The following LYRM9 variants were observed in gnomAD, a reference collection of about 807,000 sequenced individuals.
LYRM9 encodes the protein LYR motif-containing protein 9.
Under a neutral mutation model 12.6 loss-of-function variants are expected in LYRM9, and 14 were observed. The observed-to-expected ratio is 1.11, with a 90% CI of 0.73 to 1.73. LYRM9 has a LOEUF of 1.73. Among genes scored for constraint, LYRM9 ranks in the 40% most tolerant of loss-of-function variants. The pLI is 0.00. For synonymous variants in LYRM9, 42 were observed against 35.1 expected (o/e 1.20, Z -0.69); for missense variants, 94 against 95.0 (o/e 0.99, Z 0.04).
At chr17:27,885,710 A>AAG (rs1181229337) in intron 1 of LYRM9, among the ~76,000 whole-genome samples, 1 of 151,092 alleles carries the variant, frequency 6.6e-6, no homozygotes, top group African/African-American at 2.4e-5. Flanking sequence ...TCAAAAAAAA[A>AAG]AAAAAAAAAA....
Position 27,882,584 on chromosome 17 carries a change from C to T in LYRM9, c.111G>A (p.Lys37=), listed in dbSNP as rs181695478. The T allele has an allele frequency of 6.9e-6, 11 of 1,594,214 alleles. No homozygotes were observed. The highest frequency in any genetic ancestry group is 9.4e-6 in the Non-Finnish European group (11 of 1,171,530). The part of the protein sequence containing the change: ...LPTKGIQQHY[K]HAVRQSFRVH... ...CAGCTCGCACCTGCCTGACAGCATG[C>T]TTGTAATGCTGCTGGATGCCCTTGG... The change falls in exon 2 of 4, where the codon AAG becomes AAA. Residue 37 remains lysine, a synonymous_variant. Transcript: ENST00000379102.
chr17:27,879,688 A>C, intron 3 of LYRM9, 198 bp from the exon 4 acceptor site: 1 of 578,540 alleles, frequency 1.7e-6, no homozygotes, highest in Non-Finnish European at 3.0e-6. Context: ...TTTAGTGAAA[A>C]AGGAAGCTGA....
intron 3 of LYRM9, 108 bp from the exon 4 acceptor site, chr17:27,879,598 G>T: frequency 3.1e-6 from 4 of 1,270,404 alleles, no homozygotes; most frequent in Non-Finnish European, 4.3e-6. Flanking sequence ...CTCCTGCAGG[G>T]GCTTCTTGGA....
chr17:27,885,426 T>C (rs1286931319), intron 1 of LYRM9, among the ~76,000 whole-genome samples: 1 of 151,972 alleles, frequency 6.6e-6, no homozygotes, highest in Non-Finnish European at 1.5e-5. Context: ...AATAACGTAT[T>C]TGGGCCAGGG....
chr17:27,887,496 C>A (rs2142593534), intron 1 of LYRM9, among the ~76,000 whole-genome samples: 1 of 152,342 alleles, frequency 6.6e-6, no homozygotes, highest in East Asian at 1.9e-4. Flanking sequence ...CCATGGCCTG[C>A]AAGGCCCCTC....
In LYRM9 at chr17:27,878,829, G is replaced by A. The variant is rs1156504439; in HGVS notation, c.*644C>T. On this transcript the variant is annotated 3_prime_UTR_variant, in exon 4 of 4. Transcript: ENST00000379102. ...GCAGCTCCTTGGCAGACTGCTGGGTGTGTGACAACTGTGAGGGCTCAGGGG... is the reference window on the plus strand; with the variant it reads ...GCAGCTCCTTGGCAGACTGCTGGGTATGTGACAACTGTGAGGGCTCAGGGG... 1 of 152,546 alleles carries A rather than the reference G, an allele frequency of 6.6e-6. No individual in the cohort carries two copies. Among genetic ancestry groups the A allele is most frequent in the African/African-American group, 2.4e-5 (1 of 41,428 alleles). 9.4% of individuals were successfully genotyped at this position (152,546 alleles called of 1,614,324 possible). A position where few individuals can be genotyped will look rare whatever the true frequency, so the allele number is the denominator to read the frequency against.
chr17:27,883,858 A>T (rs1905149151), intron 1 of LYRM9, among the ~76,000 whole-genome samples: 1 of 146,092 alleles, frequency 6.8e-6, no homozygotes, highest in Admixed American at 6.7e-5. Context: ...AAAAAAAAAA[A>T]AAAAAAAAAA....
intron 1 of LYRM9, among the ~76,000 whole-genome samples, chr17:27,891,540 C>A (rs1470944692): frequency 6.6e-6 from 1 of 152,200 alleles, no homozygotes; most frequent in Admixed American, 6.5e-5. Flanking sequence ...CTTTCCCCTA[C>A]CTTGACTTCT....
intron 1 of LYRM9, among the ~76,000 whole-genome samples, chr17:27,885,846 T>C (rs1274319925): frequency 6.6e-6 from 1 of 152,088 alleles, no homozygotes; most frequent in Non-Finnish European, 1.5e-5. Context: ...TTGTCACTTG[T>C]ATCTCAAAGG....
At position 27,879,189 on chromosome 17, in the gene LYRM9, A is replaced by G; in HGVS notation, c.*284T>C. On this transcript the variant is annotated 3_prime_UTR_variant, in exon 4 of 4. Coordinates refer to ENST00000379102, the MANE Select transcript of LYRM9 (RefSeq NM_001076680.3). ...GAATAAATGAATCACTTTCAGAGAAAAGTAAAAGAACAAAAACACAAAAAT... is the reference window on the plus strand; with the variant it reads ...GAATAAATGAATCACTTTCAGAGAAGAGTAAAAGAACAAAAACACAAAAAT... 5.4e-6 allele frequency: 2 copies of G among 369,384 alleles called. 1 individual carries two copies. Among genetic ancestry groups the G allele is most frequent in the South Asian group, 8.0e-5 (2 of 25,110 alleles). 22.9% of individuals were successfully genotyped at this position (369,384 alleles called of 1,614,324 possible). A position where few individuals can be genotyped will look rare whatever the true frequency, so the allele number is the denominator to read the frequency against.
At chr17:27,887,084 T>C (rs1407172660) in intron 1 of LYRM9, among the ~76,000 whole-genome samples, 1 of 152,116 alleles carries the variant, frequency 6.6e-6, no homozygotes, top group Non-Finnish European at 1.5e-5. Flanking sequence ...CTGGTCTCCC[T>C]GTCTTCCAGT....
rs147655478 is a variant in LYRM9, at chr17:27,878,392, G to A, written c.*1081C>T. 3.7e-4 allele frequency: 57 copies of A among 152,330 alleles called. No homozygotes were observed. Among genetic ancestry groups the A allele is most frequent in the African/African-American group, 1.3e-3 (53 of 41,568 alleles). The allele number at this position is 152,330 out of a possible 1,614,324, so 9.4% of individuals were successfully genotyped here. A position where few individuals can be genotyped will look rare whatever the true frequency, so the allele number is the denominator to read the frequency against. ...TTGATATATTTACTTCATTGCCAGCGGAGTACACTCGCATACATAGATATC... is the reference window on the plus strand; with the variant it reads ...TTGATATATTTACTTCATTGCCAGCAGAGTACACTCGCATACATAGATATC... On this transcript the variant is annotated 3_prime_UTR_variant, in exon 4 of 4. Transcript: ENST00000379102.
At chr17:27,879,973 C>T in intron 3 of LYRM9, 1 of 634,472 alleles carries the variant, frequency 1.6e-6, no homozygotes, top group South Asian at 1.7e-5. Flanking sequence ...ACCGCCGGCT[C>T]TGGCACTATA....
intron 1 of LYRM9, among the ~76,000 whole-genome samples, chr17:27,887,573 G>A (rs929107064): frequency 6.6e-6 from 1 of 152,144 alleles, no homozygotes; most frequent in African/African-American, 2.4e-5. Flanking sequence ...CAGGCAAACT[G>A]AGCCCTGTAT....
At chr17:27,892,493 C>T in intron 1 of LYRM9, 10 of 433,156 alleles carry the variant, frequency 2.3e-5, no homozygotes, top group South Asian at 1.7e-4. Context: ...AGTCAAGAAC[C>T]TATGGCAGGT....
chr17:27,887,699 C>A (rs1477115346), intron 1 of LYRM9, among the ~76,000 whole-genome samples: 2 of 145,960 alleles, frequency 1.4e-5, no homozygotes, highest in African/African-American at 2.6e-5. Flanking sequence ...AGAAACAGAA[C>A]CTATAGGAGG....
intron 3 of LYRM9, chr17:27,880,061 G>T: frequency 1.4e-6 from 1 of 697,310 alleles, no homozygotes; most frequent in South Asian, 1.5e-5. Context: ...TAAGGATGAA[G>T]AGTGAGAGCC....
intron 1 of LYRM9, among the ~76,000 whole-genome samples, chr17:27,883,835 TAAA>T (rs781375467): frequency 0.052 from 1,248 of 24,032 alleles, 1 homozygote; most frequent in African/African-American, 0.069. Flanking sequence ...AGCCTTTTTC[TAAA>T]AAAAAAAAAA....
rs960446962 is a variant in LYRM9, at chr17:27,879,983, A to T, written c.219+291T>A. The T allele has an allele frequency of 1.3e-4, 81 of 640,630 alleles. 1 individual carries two copies. In the African/African-American group the frequency reaches 1.4e-3, roughly 11 times the overall value. The allele number at this position is 640,630 out of a possible 1,614,324, so 39.7% of individuals were successfully genotyped here. On this transcript the variant is annotated intron_variant, in intron 3 of 3. Transcript: ENST00000379102. ...GTGCCACCGCCGGCTCTGGCACTAT[A>T]GCTTTCCCTCCTTCTTCCTGCTGCC... is the stretch of plus-strand genomic sequence containing the variant.
Sources: gnomAD v4.1 joint callset for allele counts (sites outside exome capture counted in the v4.1 genomes callset) on GRCh38, gnomAD v4.1.1 for gene constraint, MANE v1.5 for transcripts, NCBI Gene and HGNC (gene_info 2026-07-23, HGNC 2026-07-21) for gene names.